SUGCT: variants seen among roughly 807,000 people sequenced by gnomAD.
SUGCT encodes succinyl-CoA:glutarate-CoA transferase, also known as succinyl-CoA:glutarate CoA-transferase.
SUGCT carries 41 observed loss-of-function variants against 55.0 expected under a neutral mutation model. The observed-to-expected ratio is 0.74, with a 90% CI of 0.58 to 0.97. The LOEUF is 0.97. Ranked by LOEUF, SUGCT falls within the 50% of genes least tolerant of loss-of-function variation. The pLI is 0.00. For missense variants in SUGCT, 568 were observed against 547.8 expected (o/e 1.04, Z -0.37); for synonymous variants, 187 against 200.4 (o/e 0.93, Z 0.56).
intron 9 of SUGCT, among the ~76,000 whole-genome samples, chr7:40,362,371 A>G (rs984885046): frequency 6.6e-6 from 1 of 152,070 alleles, no homozygotes; most frequent in African/African-American, 2.4e-5. Flanking sequence ...GTGAGCCAAG[A>G]TGGCGTCACT....
In SUGCT at chr7:40,476,232, A is replaced by G. The variant is rs117984635; in HGVS notation, c.986+17034A>G. Among the ~76,000 whole-genome samples, 17 of 152,322 alleles carry G rather than the reference A, an allele frequency of 1.1e-4. No individual in the cohort carries two copies. In the East Asian group the frequency reaches 3.3e-3, roughly 29 times the overall value. On this transcript the variant is annotated intron_variant, in intron 11 of 13. Transcript: ENST00000335693. ...TAAAACAGTGCCTTACACATAGTAT[A>G]TGCTATAACAATATCAGCTGTCAAA...
chr7:40,364,073 C>T (rs982449571), intron 9 of SUGCT, among the ~76,000 whole-genome samples: 5 of 149,982 alleles, frequency 3.3e-5, no homozygotes, highest in South Asian at 4.2e-4. Context: ...ATGTAATGGC[C>T]TTCTTTGTCT....
chr7:40,790,349 T>A (rs7784052), intron 13 of SUGCT, among the ~76,000 whole-genome samples: 26,500 of 152,140 alleles, frequency 0.17, 2,680 homozygotes, highest in East Asian at 0.42. Flanking sequence ...ACCATGATTA[T>A]AAGTTTCCTG....
At chr7:40,471,248 A>T (rs1790388638) in intron 11 of SUGCT, among the ~76,000 whole-genome samples, 1 of 152,126 alleles carries the variant, frequency 6.6e-6, no homozygotes, top group Non-Finnish European at 1.5e-5. Context: ...AATAGAGGAT[A>T]AAATGGGTCT....
the SUGCT span, among the ~76,000 whole-genome samples, chr7:40,907,128 TGTGTGTGTGTGTGAGAGA>T: frequency 2.6e-3 from 201 of 76,450 alleles, no homozygotes; most frequent in African/African-American, 0.01. Context: ...TGTGTGTGTG[TGTGTGTGTGTGTGAGAGA>T]GAGAGAGAGA....
chr7:40,864,132 C>G (rs1230459533), downstream of SUGCT, among the ~76,000 whole-genome samples: 1 of 152,136 alleles, frequency 6.6e-6, no homozygotes, highest in Non-Finnish European at 1.5e-5. Context: ...ACACACCATG[C>G]CATTTTCTGA....
intron 12 of SUGCT, among the ~76,000 whole-genome samples, chr7:40,695,214 TA>T (rs1784873206): frequency 6.6e-6 from 1 of 150,766 alleles, no homozygotes; most frequent in African/African-American, 2.4e-5. Flanking sequence ...TTTATTTATT[TA>T]TTTTGAGACA....
chr7:40,912,122 C>CT, the SUGCT span, among the ~76,000 whole-genome samples: 23,911 of 151,218 alleles, frequency 0.16, 2,271 homozygotes, highest in African/African-American at 0.27. Context: ...TGACAGCTTG[C>CT]TTTTTTTTTC....
chr7:41,021,002 C>T, the SUGCT span, among the ~76,000 whole-genome samples: 3 of 152,164 alleles, frequency 2.0e-5, no homozygotes, highest in Non-Finnish European at 2.9e-5. Flanking sequence ...CTGTGGCCTC[C>T]GTGAGGCACA....
intron 7 of SUGCT, among the ~76,000 whole-genome samples, chr7:40,265,135 C>G (rs998576130): frequency 2.6e-5 from 4 of 151,644 alleles, no homozygotes; most frequent in Non-Finnish European, 5.9e-5. Flanking sequence ...CCCCAGGATA[C>G]AAAAAAAATT....
chr7:40,313,937 CCTT>C (rs1795294596), intron 8 of SUGCT, among the ~76,000 whole-genome samples: 1 of 152,066 alleles, frequency 6.6e-6, no homozygotes, highest in Non-Finnish European at 1.5e-5. Flanking sequence ...TTTATTTAAT[CCTT>C]CTGCCCAATG....
chr7:40,461,977 G>T (rs1474722502), intron 11 of SUGCT, among the ~76,000 whole-genome samples: 2 of 152,228 alleles, frequency 1.3e-5, no homozygotes, highest in African/African-American at 2.4e-5. Context: ...AGTGGCACAT[G>T]AAATATGACT....
the SUGCT span, among the ~76,000 whole-genome samples, chr7:41,018,388 C>T: frequency 6.5e-4 from 99 of 152,270 alleles, no homozygotes; most frequent in South Asian, 7.3e-3. Flanking sequence ...TCTCTTTCCT[C>T]ACTGGAAGTC....
chr7:40,712,698 G>C (rs1785789729), intron 12 of SUGCT, among the ~76,000 whole-genome samples: 1 of 152,216 alleles, frequency 6.6e-6, no homozygotes, highest in African/African-American at 2.4e-5. Context: ...TCAACATTCA[G>C]CCTCTGAATA....
intron 12 of SUGCT, among the ~76,000 whole-genome samples, chr7:40,571,407 T>C (rs1012995541): frequency 6.6e-5 from 10 of 152,222 alleles, no homozygotes; most frequent in Non-Finnish European, 1.3e-4. Flanking sequence ...TGAACTCAAG[T>C]GCAAATTAAT....
intron 13 of SUGCT, among the ~76,000 whole-genome samples, chr7:40,751,506 G>T (rs542933675): frequency 6.6e-6 from 1 of 152,172 alleles, no homozygotes; most frequent in Non-Finnish European, 1.5e-5. Context: ...TTGAGTATTA[G>T]ATCTTTAGAA....
At chr7:40,800,368 A>G (rs948172774) in intron 13 of SUGCT, among the ~76,000 whole-genome samples, 1 of 150,142 alleles carries the variant, frequency 6.7e-6, no homozygotes, top group African/African-American at 2.5e-5. Context: ...AGCTCACTGC[A>G]ACCTCCGCCT....
At chr7:40,276,564 G>C (rs1268156990) in intron 8 of SUGCT, among the ~76,000 whole-genome samples, 1 of 152,122 alleles carries the variant, frequency 6.6e-6, no homozygotes, top group Non-Finnish European at 1.5e-5. Flanking sequence ...TTTTTACCTA[G>C]GCTGCTTTAC....
intron 12 of SUGCT, among the ~76,000 whole-genome samples, chr7:40,497,308 C>G (rs1408446660): frequency 6.6e-6 from 1 of 152,040 alleles, no homozygotes; most frequent in Non-Finnish European, 1.5e-5. Context: ...GTTGGAAAAC[C>G]TTTGGTGCCT....
Sources: allele counts gnomAD v4.1 joint callset (sites outside exome capture counted in the v4.1 genomes callset), GRCh38; gene constraint gnomAD v4.1.1; transcripts MANE v1.5; gene names NCBI Gene and HGNC (gene_info 2026-07-23, HGNC 2026-07-21).